The following BRINP3 variants were observed in gnomAD, a reference collection of about 807,000 sequenced individuals.
The protein encoded by BRINP3 is BMP/retinoic acid inducible neural specific 3, also known as BMP/retinoic acid-inducible neural-specific protein 3.
BRINP3 carries 19 observed loss-of-function variants against 71.0 expected under a neutral mutation model. The observed-to-expected ratio is 0.27, with a 90% CI of 0.19 to 0.39. The LOEUF (loss-of-function observed/expected upper bound fraction) is 0.39, where lower values mean the gene tolerates loss of function less well. Ranked by LOEUF, BRINP3 falls within the 10% of genes least tolerant of loss-of-function variation. The pLI is 1.00. For synonymous variants in BRINP3, 380 were observed against 337.7 expected, an observed-to-expected ratio of 1.13 and a Z score of -1.37; for missense variants, 959 against 940.8, an observed-to-expected ratio of 1.02 and a Z score of -0.25.
intron 7 of BRINP3, among the ~76,000 whole-genome samples, chr1:190,102,307 C>T (rs1365152048): frequency 6.6e-6 from 1 of 152,124 alleles, no homozygotes; most frequent in African/African-American, 2.4e-5. Flanking sequence ...GTTCCCCTTA[C>T]TTTATCTTAA....
intron 3 of BRINP3, among the ~76,000 whole-genome samples, chr1:190,275,962 TAG>T (rs1553276361): frequency 6.8e-6 from 1 of 147,422 alleles, no homozygotes; most frequent in African/African-American, 2.5e-5. Flanking sequence ...TATATATATA[TAG>T]AGAGAGAGAG....
intron 2 of BRINP3, among the ~76,000 whole-genome samples, chr1:190,407,479 C>G (rs1474677407): frequency 6.6e-6 from 1 of 152,120 alleles, no homozygotes; most frequent in African/African-American, 2.4e-5. Context: ...GTCAATGATA[C>G]TGACACTCCA....
intron 6 of BRINP3, among the ~76,000 whole-genome samples, chr1:190,168,113 T>A (rs1298508282): frequency 6.6e-6 from 1 of 152,130 alleles, no homozygotes; most frequent in Non-Finnish European, 1.5e-5. Flanking sequence ...AATGTGCTAC[T>A]TAGAAATGTT....
At chr1:190,191,351 G>C (rs765605551) in intron 6 of BRINP3, among the ~76,000 whole-genome samples, 1 of 151,866 alleles carries the variant, frequency 6.6e-6, no homozygotes, top group African/African-American at 2.4e-5. Flanking sequence ...ACAGGTATAC[G>C]TGTGCCATGG....
chr1:190,465,330 C>G (rs1035629027), intron 1 of BRINP3, among the ~76,000 whole-genome samples: 1 of 151,854 alleles, frequency 6.6e-6, no homozygotes, highest in African/African-American at 2.4e-5. Context: ...GTATAGGGAA[C>G]GCTTTGACAA....
At chr1:190,256,666 T>C (rs549326939) in intron 4 of BRINP3, among the ~76,000 whole-genome samples, 32 of 152,290 alleles carry the variant, frequency 2.1e-4, no homozygotes, top group Middle Eastern at 3.4e-3. Context: ...CAGGAACTCT[T>C]GTAAGGCAGG....
intron 2 of BRINP3, among the ~76,000 whole-genome samples, chr1:190,419,821 A>G (rs1336712445): frequency 2.0e-5 from 3 of 151,880 alleles, no homozygotes; most frequent in Admixed American, 1.3e-4. Flanking sequence ...ATACTGGTGT[A>G]TCAAACCATG....
chr1:190,374,154 T>C (rs773339216), intron 2 of BRINP3, among the ~76,000 whole-genome samples: 1 of 152,046 alleles, frequency 6.6e-6, no homozygotes, highest in Non-Finnish European at 1.5e-5. Flanking sequence ...TATGTACACA[T>C]ACATATGCAC....
Position 190,448,615 on chromosome 1 carries a change from A to G in BRINP3, c.236+6040T>C, listed in dbSNP as rs184245598. ...TATTCATTGTATAGTGATATATGGC[A>G]TTAAAGAAAATCGATTATCTTTTTA... is the stretch of plus-strand genomic sequence containing the variant. On this transcript the variant is annotated intron_variant, in intron 2 of 7. Coordinates refer to ENST00000367462, the MANE Select transcript of BRINP3 (RefSeq NM_199051.3). Among the ~76,000 whole-genome samples the G allele has an allele frequency of 4.8e-3, 727 of 151,838 alleles. 6 individuals are homozygous for G. The highest frequency in any genetic ancestry group is 0.014 in the Middle Eastern group (4 of 294).
intron 2 of BRINP3, among the ~76,000 whole-genome samples, chr1:190,282,088 T>G (rs749571213): frequency 2.0e-5 from 3 of 151,950 alleles, no homozygotes; most frequent in Non-Finnish European, 4.4e-5. Context: ...AGGGCAATTT[T>G]TTTCATTTTC....
At chr1:190,210,796 G>A (rs934490336) in intron 6 of BRINP3, among the ~76,000 whole-genome samples, 1 of 152,022 alleles carries the variant, frequency 6.6e-6, no homozygotes, top group Non-Finnish European at 1.5e-5. Context: ...TTGAGTCAGC[G>A]GACTGGGAGA....
chr1:190,150,763 T>C (rs1156369680), intron 7 of BRINP3, among the ~76,000 whole-genome samples: 1 of 152,206 alleles, frequency 6.6e-6, no homozygotes, highest in African/African-American at 2.4e-5. Flanking sequence ...CTTTTATGCA[T>C]GCACGATTAT....
chr1:190,320,794 G>C (rs1571739141), intron 2 of BRINP3, among the ~76,000 whole-genome samples: 1 of 152,010 alleles, frequency 6.6e-6, no homozygotes, highest in African/African-American at 2.4e-5. Flanking sequence ...AACCCATGCA[G>C]ATATGAGCAT....
At chr1:190,475,756 T>A (rs945577316) in intron 1 of BRINP3, 2 of 152,190 alleles carry the variant, frequency 1.3e-5, no homozygotes, top group Non-Finnish European at 2.9e-5. Context: ...GAGCTTCAGG[T>A]ATAATACAGC....
intron 2 of BRINP3, among the ~76,000 whole-genome samples, chr1:190,379,623 G>C (rs1017631676): frequency 1.3e-5 from 2 of 151,992 alleles, no homozygotes; most frequent in African/African-American, 2.4e-5. Flanking sequence ...AGGTAGCTAG[G>C]GGATAGCAGG....
At chr1:190,456,840 A>T (rs908627382) in intron 1 of BRINP3, among the ~76,000 whole-genome samples, 14 of 152,078 alleles carry the variant, frequency 9.2e-5, no homozygotes, top group Non-Finnish European at 1.6e-4. Flanking sequence ...TATTCAAACC[A>T]CTACTCAAGT....
chr1:190,356,838 A>G (rs534207925), intron 2 of BRINP3, among the ~76,000 whole-genome samples: 2 of 152,082 alleles, frequency 1.3e-5, no homozygotes, highest in Non-Finnish European at 2.9e-5. Flanking sequence ...CATTTGAATG[A>G]AAAGTAATCT....
intron 3 of BRINP3, among the ~76,000 whole-genome samples, chr1:190,272,705 T>G (rs1184299697): frequency 6.6e-6 from 1 of 151,422 alleles, no homozygotes; most frequent in Non-Finnish European, 1.5e-5. Context: ...TTACTAATAA[T>G]AGTAGTGGGT....
chr1:190,137,134 G>A lies in BRINP3; in HGVS notation c.1184+23534C>T, dbSNP rs560630441. Among the ~76,000 whole-genome samples, 785 of 151,940 alleles carry A rather than the reference G, an allele frequency of 5.2e-3. 1 individual carries two copies. The highest frequency in any genetic ancestry group is 7.5e-3 in the Non-Finnish European group (509 of 67,950). ...CCATGATTTGAACATGACTCTTTTC[G>A]AATAAAACATTCTGTTTTTAATCTC... On this transcript the variant is annotated intron_variant, in intron 7 of 7. Transcript: ENST00000367462.
Sources: allele counts gnomAD v4.1 joint callset (sites outside exome capture counted in the v4.1 genomes callset), GRCh38; gene constraint gnomAD v4.1.1; transcripts MANE v1.5; gene names NCBI Gene and HGNC (gene_info 2026-07-23, HGNC 2026-07-21).